DES: variants seen among roughly 807,000 people sequenced by gnomAD.
The protein encoded by DES is desmin.
In DES, 34 loss-of-function variants were observed where a neutral mutation model predicts 55.1. That is an observed-to-expected ratio of 0.62 (90% CI 0.47 to 0.82). The LOEUF (loss-of-function observed/expected upper bound fraction) is 0.82, where lower values mean the gene tolerates loss of function less well. DES is among the 40% of genes least tolerant of loss of function. DES has a pLI of 0.00. For synonymous variants in DES, 259 were observed against 270.8 expected (o/e 0.96, Z 0.43); for missense variants, 596 against 645.9 (o/e 0.92, Z 0.84).
At position 219,421,389 on chromosome 2, in the gene DES, G is replaced by A; in HGVS notation, c.1073G>A (p.Ser358Asn). The change falls in exon 6 of 9, where the codon AGT (serine) becomes AAT (asparagine). Residue 358 changes from serine to asparagine, a missense_variant. Ser to Asn is a conservative substitution (Grantham distance 46). Coordinates refer to ENST00000373960, the MANE Select transcript of DES (RefSeq NM_001927.4). ...CGGGAATTGGAGGACCGATTTGCCA[G>A]TGAGGCCAGTGGCTACCAGGACAAC... ...QMRELEDRFA[S>N]EASGYQDNIA... The A allele has an allele frequency of 6.2e-7, 1 of 1,614,134 alleles. No homozygotes were observed. Among genetic ancestry groups the A allele is most frequent in the Non-Finnish European group, 8.5e-7 (1 of 1,180,034 alleles).
chr2:219,420,037 G>T lies in DES; in HGVS notation c.579-58G>T. 2 of 1,601,100 alleles carry T rather than the reference G, an allele frequency of 1.2e-6. No homozygotes were observed. The highest frequency in any genetic ancestry group is 2.2e-5 in the South Asian group (2 of 90,826). On this transcript the variant is annotated intron_variant, in intron 1 of 8. Transcript: ENST00000373960. This position sits in a 1 kb window ranked among gnomAD's most constrained non-coding sequence, Gnocchi z 6.0. ...CCCCCTGGTCAGCCCCCGGCCAGTC[G>T]TTTCCACTGCCAGCTTTATCACCCG...
In DES at chr2:219,420,966, C is replaced by T; in HGVS notation, c.1023+13C>T. The T allele has an allele frequency of 1.9e-6, 3 of 1,612,166 alleles. No homozygotes were observed. The highest frequency in any genetic ancestry group is 1.7e-6 in the Non-Finnish European group (2 of 1,179,356). On this transcript the variant is annotated intron_variant, in intron 5 of 8. Coordinates refer to ENST00000373960, the MANE Select transcript of DES (RefSeq NM_001927.4). This position sits in a 1 kb window ranked among gnomAD's most constrained non-coding sequence, Gnocchi z 6.0. ...CCTGAAGGGCACTGTGAGTCCCTGCCCACCTGGCCAGGCCCTGCCCCTTCC... is the reference window on the plus strand; with the variant it reads ...CCTGAAGGGCACTGTGAGTCCCTGCTCACCTGGCCAGGCCCTGCCCCTTCC...
chr2:219,424,035 ATATTG>A lies in DES; in HGVS notation c.1288+225_1288+229del, dbSNP rs1954493340. ...GACAGAGAGAGCTTTTTATGTGATT[ATATTG>A]TATTGTATTTACCATGTCCCCTGCA... On this transcript the variant is annotated intron_variant, in intron 7 of 8. Transcript: ENST00000373960. 3.3e-5 allele frequency among the ~76,000 whole-genome samples: 5 copies of A among 152,310 alleles called. No individual in the cohort carries two copies. The South Asian group carries it at 8.3e-4, about 25-fold the overall frequency.
At chr2:219,423,740 TC>T (rs1299452029) in intron 6 of DES, 36 bp from the exon 7 acceptor site, 1 of 1,609,390 alleles carries the variant, frequency 6.2e-7, no homozygotes. Flanking sequence ...ATGGGAGGGT[TC>T]TTAACTCTTA....
rs1404427687 is a variant in DES, at chr2:219,419,357, T to TG, written c.578+321dup. On this transcript the variant is annotated intron_variant, in intron 1 of 8. Transcript: ENST00000373960. This position sits in a 1 kb window ranked among gnomAD's most constrained non-coding sequence, Gnocchi z 4.3. Reference sequence around the variant, plus strand: ...TTTTAAGATGCTGGGGCGATATTTATGGGGTCAGGTAGTTGATGGGCAGAG... The same window carrying TG: ...TTTTAAGATGCTGGGGCGATATTTATGGGGGTCAGGTAGTTGATGGGCAGAG... Among the ~76,000 whole-genome samples the TG allele has an allele frequency of 6.6e-6, 1 of 152,142 alleles. No individual in the cohort carries two copies. Among genetic ancestry groups the TG allele is most frequent in the Non-Finnish European group, 1.5e-5 (1 of 68,026 alleles).
chr2:219,420,737 G>T lies in DES; in HGVS notation c.897+81G>T. The T allele has an allele frequency of 1.2e-6, 2 of 1,613,576 alleles. No homozygotes were observed. The highest frequency in any genetic ancestry group is 1.7e-6 in the Non-Finnish European group (2 of 1,179,702). On this transcript the variant is annotated intron_variant, in intron 4 of 8. Coordinates refer to ENST00000373960, the MANE Select transcript of DES (RefSeq NM_001927.4). This position sits in a 1 kb window ranked among gnomAD's most constrained non-coding sequence, Gnocchi z 6.0. Reference sequence around the variant, plus strand: ...TGTGCTGCCTGTGGTACCATCCATGGGAGGAGAGCCCAGAGGCTTCATGCT... The same window carrying T: ...TGTGCTGCCTGTGGTACCATCCATGTGAGGAGAGCCCAGAGGCTTCATGCT...
At chr2:219,421,900 AG>A (rs893230971) in intron 6 of DES, among the ~76,000 whole-genome samples, 3 of 152,134 alleles carry the variant, frequency 2.0e-5, no homozygotes, top group African/African-American at 7.2e-5. Flanking sequence ...TCCTGACCTC[AG>A]GTGATCTGCC....
Position 219,420,419 on chromosome 2 carries a change from G to C in DES, c.735+73G>C. ...AGCCGGAAAGTGGGGTTGGGGTGAG[G>C]CTCTGGCTGGGAATAGGGGTGTGAG... On this transcript the variant is annotated intron_variant, in intron 3 of 8. Transcript: ENST00000373960. This position sits in a 1 kb window ranked among gnomAD's most constrained non-coding sequence, Gnocchi z 6.0. 2 of 1,612,596 alleles carry C rather than the reference G, an allele frequency of 1.2e-6. No individual in the cohort carries two copies. Among genetic ancestry groups the C allele is most frequent in the Non-Finnish European group, 1.7e-6 (2 of 1,179,292 alleles).
chr2:219,420,872 G>A lies in DES; in HGVS notation c.942G>A (p.Leu314=). ...CAGCCAACAAGAACAACGACGCCCT[G>A]CGCCAGGCCAAGCAGGAGATGATGG... ...TQAANKNNDA[L]RQAKQEMMEY... is the part of the protein sequence containing the mutation. Residue 314 remains leucine, a synonymous_variant, in exon 5 of 9, where the codon CTG becomes CTA. Transcript: ENST00000373960. The surrounding 1 kb of genome is among the most constrained non-coding windows in gnomAD (Gnocchi z 6.0). The A allele has an allele frequency of 6.2e-7, 1 of 1,613,854 alleles. No homozygotes were observed. Among genetic ancestry groups the A allele is most frequent in the East Asian group, 2.2e-5 (1 of 44,856 alleles).
In DES at chr2:219,421,475, G is replaced by A. The variant is rs865961434; in HGVS notation, c.1159G>A (p.Glu387Lys). Residue 387 changes from glutamate (E) to lysine (K), a missense_variant, in exon 6 of 9, where the codon GAG becomes AAG. Transcript: ENST00000373960. ...LKDEMARHLREYQDLLNVKMA... is the reference protein window; with the variant it reads ...LKDEMARHLRKYQDLLNVKMA... ...GGATGAGATGGCCCGCCATCTGCGC[G>A]AGTACCAGGACCTGCTCAACGTGAA... The A allele has an allele frequency of 4.3e-6, 7 of 1,614,136 alleles. No homozygotes were observed. The highest frequency in any genetic ancestry group is 5.9e-6 in the Non-Finnish European group (7 of 1,180,024).
chr2:219,423,859 G>A (rs761189836), intron 7 of DES, 39 bp downstream of exon 7: 3 of 1,611,180 alleles, frequency 1.9e-6, no homozygotes, highest in East Asian at 4.5e-5. Flanking sequence ...GAGTTGCAGG[G>A]GCCAGGAGTC....
chr2:219,426,104 G>A lies in DES; in HGVS notation c.*114G>A. ...ACCCAGCCTCAGTCCTCCCCTCACA[G>A]CCTCTGACCCCTCCTCACTGGCCAT... On this transcript the variant is annotated 3_prime_UTR_variant, in exon 9 of 9. Transcript: ENST00000373960. This position sits in a 1 kb window ranked among gnomAD's most constrained non-coding sequence, Gnocchi z 4.5. The A allele has an allele frequency of 8.3e-7, 1 of 1,208,916 alleles. No homozygotes were observed. Among genetic ancestry groups the A allele is most frequent in the Non-Finnish European group, 1.2e-6 (1 of 835,568 alleles). 74.9% of individuals were successfully genotyped at this position (1,208,916 alleles called of 1,614,324 possible). A position where few individuals can be genotyped will look rare whatever the true frequency, so the allele number is the denominator to read the frequency against.
chr2:219,421,709 C>T (rs1315976456), intron 6 of DES, 149 bp downstream of exon 6: 5 of 706,842 alleles, frequency 7.1e-6, no homozygotes, highest in Non-Finnish European at 1.1e-5. Flanking sequence ...TCTTGTCGCC[C>T]AGTCTGGAGT....
rs547425842 is a variant in DES, at chr2:219,420,440, G to A, written c.736-55G>A. On this transcript the variant is annotated intron_variant, in intron 3 of 8. Coordinates refer to ENST00000373960, the MANE Select transcript of DES (RefSeq NM_001927.4). This position sits in a 1 kb window ranked among gnomAD's most constrained non-coding sequence, Gnocchi z 6.0. The stretch of plus-strand genomic sequence containing the variant: ...TGAGGCTCTGGCTGGGAATAGGGGT[G>A]TGAGGGTGCTGTGTGGGCCCTGAGA... 4.3e-6 allele frequency: 7 copies of A among 1,613,336 alleles called. No homozygotes were observed. Among genetic ancestry groups the A allele is most frequent in the Middle Eastern group, 1.7e-4 (1 of 6,044 alleles).
rs1954368669 is a variant in DES at position 219,418,698 on chromosome 2, C to T, written c.236C>T (p.Thr79Met). 7 of 1,569,104 alleles carry T rather than the reference C, an allele frequency of 4.5e-6. No individual in the cohort carries two copies. The highest frequency in any genetic ancestry group is 6.0e-6 in the Non-Finnish European group (7 of 1,157,066). Residue 79 changes from threonine (T) to methionine (M), a missense_variant, in exon 1 of 9, where the codon ACG becomes ATG. By Grantham distance (81) the Thr-to-Met change is moderately conservative. Transcript: ENST00000373960. ...LRASRLGTTR[T>M]PSSYGAGELL... The stretch of plus-strand genomic sequence containing the variant: ...GCCAGCCGGCTGGGGACCACCCGCA[C>T]GCCCTCCTCCTACGGCGCAGGCGAG...
rs766035912 is a variant in DES at position 219,420,904 on chromosome 2, G to A, written c.974G>A (p.Arg325Gln). 6 of 1,613,816 alleles carry A rather than the reference G, an allele frequency of 3.7e-6. No individual in the cohort carries two copies. The highest frequency in any genetic ancestry group is 3.3e-5 in the South Asian group (3 of 91,054). ...GCCAAGCAGGAGATGATGGAATACCGACACCAGATCCAGTCCTACACCTGC... is the reference window on the plus strand; with the variant it reads ...GCCAAGCAGGAGATGATGGAATACCAACACCAGATCCAGTCCTACACCTGC... ...RQAKQEMMEYRHQIQSYTCEI... is the reference protein window; with the variant it reads ...RQAKQEMMEYQHQIQSYTCEI... Residue 325 changes from arginine to glutamine, a missense_variant, in exon 5 of 9, where the codon CGA (arginine) becomes CAA (glutamine). Coordinates refer to ENST00000373960, the MANE Select transcript of DES (RefSeq NM_001927.4). The surrounding 1 kb of genome is among the most constrained non-coding windows in gnomAD (Gnocchi z 6.0).
In DES at chr2:219,420,119, G is replaced by C. The variant is rs765376573; in HGVS notation, c.603G>C (p.Lys201Asn). Residue 201 changes from lysine to asparagine, a missense_variant, in exon 2 of 9, where the codon AAG (lysine) becomes AAC (asparagine). Lys to Asn is a moderately conservative substitution (Grantham distance 94). Transcript: ENST00000373960. The surrounding 1 kb of genome is among the most constrained non-coding windows in gnomAD (Gnocchi z 6.0). Reference protein sequence around the residue: ...KAKLQEEIQLKEEAENNLAAF... With the variant: ...KAKLQEEIQLNEEAENNLAAF... ...GGCTGCAGGAGGAGATTCAGTTGAA[G>C]GAAGAAGCAGAGAACAATTTGGCTG... 8.7e-6 allele frequency: 14 copies of C among 1,614,092 alleles called. No individual in the cohort carries two copies. The highest frequency in any genetic ancestry group is 1.1e-5 in the Non-Finnish European group (13 of 1,180,044).
In DES at chr2:219,418,889, C is replaced by T; in HGVS notation, c.427C>T (p.Leu143Phe). 1.3e-6 allele frequency: 2 copies of T among 1,567,478 alleles called. No individual in the cohort carries two copies. Residue 143 changes from leucine to phenylalanine, a missense_variant, in exon 1 of 9, where the codon CTC (leucine) becomes TTC (phenylalanine). Coordinates refer to ENST00000373960, the MANE Select transcript of DES (RefSeq NM_001927.4). ...GGCGCTCGCCGCCGAAGTGAACCGG[C>T]TCAAGGGCCGCGAGCCGACGCGAGT... ...NAALAAEVNR[L>F]KGREPTRVAE...
Position 219,425,733 on chromosome 2 carries a change from A to C in DES, c.1359A>C (p.Thr453=), listed in dbSNP as rs1397831288. The C allele has an allele frequency of 6.2e-7, 1 of 1,604,474 alleles. No homozygotes were observed. Among genetic ancestry groups the C allele is most frequent in the African/African-American group, 1.3e-5 (1 of 74,680 alleles). The stretch of plus-strand genomic sequence containing the variant: ...CGGTGATGATCAAGACCATCGAGAC[A>C]CGGGATGGGGAGGTAAGTGGTCTGT... ...KKTVMIKTIE[T]RDGEVVSEAT... Residue 453 remains threonine (T), a synonymous_variant, in exon 8 of 9, where the codon ACA becomes ACC. Coordinates refer to ENST00000373960, the MANE Select transcript of DES (RefSeq NM_001927.4).
Sources: gnomAD v4.1 joint callset for allele counts (sites outside exome capture counted in the v4.1 genomes callset) on GRCh38, gnomAD v4.1.1 for gene constraint, Gnocchi (gnomAD v3.1) non-coding constraint, MANE v1.5 for transcripts, NCBI Gene and HGNC (gene_info 2026-07-23, HGNC 2026-07-21) for gene names.